The following GLT8D1 variants were observed in gnomAD, a reference collection of about 807,000 sequenced individuals.
GLT8D1 encodes the protein glycosyltransferase 8 domain containing 1.
In GLT8D1, 41 loss-of-function variants were observed where a neutral mutation model predicts 46.2. The ratio of observed to expected loss-of-function variants is 0.89; its 90% confidence interval spans 0.69 to 1.15. The LOEUF is 1.15. Ranked by LOEUF, GLT8D1 falls within the 50% of genes most tolerant of loss-of-function variation. The pLI, the probability that GLT8D1 is intolerant of heterozygous loss-of-function variation, is 0.00. For synonymous variants in GLT8D1, 150 were observed against 154.2 expected, an observed-to-expected ratio of 0.97 and a Z score of 0.20; for missense variants, 408 against 449.3, an observed-to-expected ratio of 0.91 and a Z score of 0.83.
chr3:52,697,675 G>A lies in GLT8D1; in HGVS notation c.329+46C>T, dbSNP rs1184643920. On this transcript the variant is annotated intron_variant, in intron 4 of 9. Coordinates refer to ENST00000266014, the MANE Select transcript of GLT8D1 (RefSeq NM_018446.4). ...CAGATCCTGGATTGGCAGCTGGCCT[G>A]CTCTAAATCATCCTCTAGAAGCAGA... is the stretch of plus-strand genomic sequence containing the variant. 3.1e-6 allele frequency: 4 copies of A among 1,309,046 alleles called. No homozygotes were observed. The Admixed American group carries it at 5.0e-5, about 16-fold the overall frequency. 81.1% of individuals were successfully genotyped at this position (1,309,046 alleles called of 1,614,324 possible).
At chr3:52,696,880 A>G (rs2154100204) in intron 4 of GLT8D1, among the ~76,000 whole-genome samples, 1 of 49,042 alleles carries the variant, frequency 2.0e-5, no homozygotes, top group East Asian at 5.7e-4. Flanking sequence ...TACTCTAGAA[A>G]AACTATAGAA....
intron 4 of GLT8D1, 93 bp downstream of exon 4, chr3:52,697,625 AAAC>A: frequency 2.3e-6 from 2 of 851,174 alleles, no homozygotes; most frequent in Non-Finnish European, 4.0e-6. Flanking sequence ...CAATTGTATA[AAAC>A]AACATACAAA....
intron 4 of GLT8D1, 103 bp downstream of exon 4, chr3:52,697,618 T>C (rs2097335151): frequency 3.7e-6 from 3 of 808,842 alleles, no homozygotes; most frequent in African/African-American, 3.4e-5. Context: ...ACAATTTCAA[T>C]TGTATAAAAC....
intron 3 of GLT8D1, among the ~76,000 whole-genome samples, chr3:52,699,993 C>T (rs1466297291): frequency 6.6e-6 from 1 of 152,202 alleles, no homozygotes; most frequent in African/African-American, 2.4e-5. Flanking sequence ...ACTAGACTGA[C>T]ACTCTAGTGA....
intron 1 of GLT8D1, among the ~76,000 whole-genome samples, chr3:52,704,458 CAAAAAAA>C (rs60851820): frequency 7.5e-5 from 4 of 53,558 alleles, no homozygotes; most frequent in East Asian, 6.8e-4. Context: ...GTCTTCGCCT[CAAAAAAA>C]AAAAAAAAAA....
intron 7 of GLT8D1, 162 bp downstream of exon 7, chr3:52,695,766 A>G (rs1297796270): frequency 9.4e-6 from 6 of 639,394 alleles, no homozygotes; most frequent in Middle Eastern, 2.5e-4. Flanking sequence ...TTCAAGAACA[A>G]TTAGGCTGTC....
At position 52,694,821 on chromosome 3, in the gene GLT8D1, C is replaced by G. The variant is rs1341415312; in HGVS notation, c.*24G>C. The G allele has an allele frequency of 6.5e-7, 1 of 1,546,962 alleles. No individual in the cohort carries two copies. ...ATCTTCCAGGACTTCCTGAGAAATG[C>G]TTGCTTACAGTTCAAATTCTGTTTC... On this transcript the variant is annotated 3_prime_UTR_variant, in exon 10 of 10. Coordinates refer to ENST00000266014, the MANE Select transcript of GLT8D1 (RefSeq NM_018446.4).
At chr3:52,699,256 A>G (rs1029820684) in intron 3 of GLT8D1, among the ~76,000 whole-genome samples, 1 of 152,238 alleles carries the variant, frequency 6.6e-6, no homozygotes, top group African/African-American at 2.4e-5. Flanking sequence ...ACAGTACACA[A>G]ATTGCCTTCA....
Position 52,695,127 on chromosome 3 carries a change from C to G in GLT8D1, c.925+63G>C, listed in dbSNP as rs1578584295. 2.6e-5 allele frequency: 37 copies of G among 1,433,508 alleles called. No individual in the cohort carries two copies. The East Asian group carries it at 8.2e-4, about 32-fold the overall frequency. The allele number at this position is 1,433,508 out of a possible 1,614,324, so 88.8% of individuals were successfully genotyped here. A position where few individuals can be genotyped will look rare whatever the true frequency, so the allele number is the denominator to read the frequency against. On this transcript the variant is annotated intron_variant, in intron 9 of 9. Transcript: ENST00000266014. ...GGGAAACAAAGAATATACCCCATCCCTGAGGATAGTTCTTTAGATACCAAT... is the reference window on the plus strand; with the variant it reads ...GGGAAACAAAGAATATACCCCATCCGTGAGGATAGTTCTTTAGATACCAAT...
Position 52,695,184 on chromosome 3 carries a change from A to G in GLT8D1, c.925+6T>C, listed in dbSNP as rs991615634. 14 of 1,593,152 alleles carry G rather than the reference A, an allele frequency of 8.8e-6. No homozygotes were observed. The African/African-American group carries it at 1.6e-4, about 18-fold the overall frequency. ...CTAGCTTATGCCACTGGTTAATTCT[A>G]CTTACCAAGGTGGCGGACATTCCAC... is the stretch of plus-strand genomic sequence containing the variant. On this transcript the variant is annotated splice_donor_region_variant and intron_variant, in intron 9 of 9. Transcript: ENST00000266014.
chr3:52,702,789 CTTTT>C (rs759588335), intron 1 of GLT8D1, among the ~76,000 whole-genome samples: 1 of 139,576 alleles, frequency 7.2e-6, no homozygotes. Flanking sequence ...TCTTTCTTTC[CTTTT>C]TTTTTTTTTT....
At chr3:52,702,408 T>C (rs566349660) in intron 1 of GLT8D1, among the ~76,000 whole-genome samples, 125 of 152,176 alleles carry the variant, frequency 8.2e-4, no homozygotes, top group African/African-American at 2.8e-3. Flanking sequence ...TAGCCAGGCA[T>C]GGTGACGTGC....
Position 52,695,533 on chromosome 3 carries a change from T to A in GLT8D1, c.700A>T (p.Met234Leu). 6.2e-7 allele frequency: 1 copy of A among 1,610,544 alleles called. No homozygotes were observed. Among genetic ancestry groups the A allele is most frequent in the Non-Finnish European group, 8.5e-7 (1 of 1,176,754 alleles). The change falls in exon 8 of 10, where the codon ATG becomes TTG. Residue 234 changes from methionine (M) to leucine (L), a missense_variant. Transcript: ENST00000266014. ...TTAAATGAGCAAGTGCTGGCTTTCA[T>A]GGAAAGCTTACGAATTCTTTCCTTT... ...YKKERIRKLSMKASTCSFNPG... is the reference protein window; with the variant it reads ...YKKERIRKLSLKASTCSFNPG...
At chr3:52,701,444 C>G (rs1268794445) in intron 1 of GLT8D1, 1 of 152,188 alleles carries the variant, frequency 6.6e-6, no homozygotes, top group Non-Finnish European at 1.5e-5. Context: ...TCTCAGCTCA[C>G]TGCAACCTCT....
At chr3:52,699,388 G>A (rs528451639) in intron 3 of GLT8D1, among the ~76,000 whole-genome samples, 5 of 152,088 alleles carry the variant, frequency 3.3e-5, no homozygotes, top group African/African-American at 7.2e-5. Context: ...GGGTTCAAGC[G>A]ATTCTCCTGC....
At chr3:52,696,420 A>G (rs1430558297) in intron 5 of GLT8D1, 102 bp from the exon 6 acceptor site, 17 of 1,038,974 alleles carry the variant, frequency 1.6e-5, no homozygotes, top group African/African-American at 1.6e-5. Flanking sequence ...AGGAGAAGAA[A>G]GGACTCTTAG....
chr3:52,702,426 G>A (rs79705974), intron 1 of GLT8D1, among the ~76,000 whole-genome samples: 2,146 of 152,200 alleles, frequency 0.014, 19 homozygotes, highest in South Asian at 0.036. Context: ...TGCATCTGTA[G>A]TCCCAAGCAT....
intron 1 of GLT8D1, chr3:52,705,096 C>T (rs1229425292): frequency 6.6e-6 from 1 of 152,310 alleles, no homozygotes; most frequent in African/African-American, 2.4e-5. Flanking sequence ...CAGCTGGGAC[C>T]CAGAGGCCCG....
At chr3:52,697,109 G>A (rs2097334499) in intron 4 of GLT8D1, among the ~76,000 whole-genome samples, 2 of 152,250 alleles carry the variant, frequency 1.3e-5, no homozygotes, top group South Asian at 2.1e-4. Context: ...TTTTAAATGC[G>A]TTCAGAATTT....
Sources: allele counts gnomAD v4.1 joint callset (sites outside exome capture counted in the v4.1 genomes callset), GRCh38; gene constraint gnomAD v4.1.1; transcripts MANE v1.5; gene names NCBI Gene and HGNC (gene_info 2026-07-23, HGNC 2026-07-21).